The following NUP62 variants were observed in gnomAD, a reference collection of about 807,000 sequenced individuals.
The protein encoded by NUP62 is nuclear pore glycoprotein p62.
For missense variants in NUP62, 647 were observed against 689.4 expected, an observed-to-expected ratio of 0.94 and a Z score of 0.69; for synonymous variants, 305 against 303.4, an observed-to-expected ratio of 1.01 and a Z score of -0.05.
chr19:49,907,776 T>G lies in NUP62; in HGVS notation c.*463A>C. ...GTCTCGAACTCCTGACCTCAAGTCA[T>G]CTGCCCGCCTTGGCCACCCAAAGTG... On this transcript the variant is annotated 3_prime_UTR_variant, in exon 3 of 3. Transcript: ENST00000352066. 3.0e-6 allele frequency: 1 copy of G among 332,286 alleles called. No homozygotes were observed. The highest frequency in any genetic ancestry group is 2.2e-5 in the African/African-American group (1 of 45,774). 20.6% of individuals were successfully genotyped at this position (332,286 alleles called of 1,614,324 possible). A position where few individuals can be genotyped will look rare whatever the true frequency, so the allele number is the denominator to read the frequency against.
At position 49,909,642 on chromosome 19, in the gene NUP62, A is replaced by ACCCTTCCACAAC. The variant is rs1244976439; in HGVS notation, c.165_166insGTTGTGGAAGGG (p.Pro55_Ser56insValValGluGly). The ACCCTTCCACAAC allele has an allele frequency of 6.2e-7, 1 of 1,614,000 alleles. No individual in the cohort carries two copies. Among genetic ancestry groups the ACCCTTCCACAAC allele is most frequent in the Non-Finnish European group, 8.5e-7 (1 of 1,180,026 alleles). On this transcript the variant is annotated inframe_insertion, in exon 3 of 3. Transcript: ENST00000352066. ...GTGGCAAGTGAGAACAGGCCGGTGG[A>ACCCTTCCACAAC]AGGGGTACTTGTGGCTGGTTGGAAG...
At chr19:49,926,806 G>C (rs2075902446) in intron 2 of NUP62, among the ~76,000 whole-genome samples, 1 of 151,442 alleles carries the variant, frequency 6.6e-6, no homozygotes, top group African/African-American at 2.4e-5. Context: ...CTAACTGCTC[G>C]ACACGGATTA....
At chr19:49,916,415 G>A (rs1246361474) in intron 2 of NUP62, among the ~76,000 whole-genome samples, 9 of 148,746 alleles carry the variant, frequency 6.1e-5, no homozygotes, top group Non-Finnish European at 1.2e-4. Flanking sequence ...GTGCAGTGGC[G>A]GGATCTTGGC....
At position 49,909,282 on chromosome 19, in the gene NUP62, C is replaced by T. The variant is rs745811720; in HGVS notation, c.526G>A (p.Ala176Thr). Residue 176 changes from alanine to threonine, a missense_variant, in exon 3 of 3, where the codon GCA becomes ACA. Ala to Thr is a moderately conservative substitution (Grantham distance 58). Transcript: ENST00000352066. ...AQPSGFNIGSAGNSAQPTAPA... is the reference protein window; with the variant it reads ...AQPSGFNIGSTGNSAQPTAPA... ...GCCGTGGGCTGGGCTGAATTCCCTGCTGAGCCAATGTTGAAACCGGAGGGT... is the reference window on the plus strand; with the variant it reads ...GCCGTGGGCTGGGCTGAATTCCCTGTTGAGCCAATGTTGAAACCGGAGGGT... The T allele has an allele frequency of 1.9e-6, 3 of 1,614,102 alleles. No homozygotes were observed. The highest frequency in any genetic ancestry group is 2.5e-6 in the Non-Finnish European group (3 of 1,180,022).
At chr19:49,920,310 C>T (rs527674656) in intron 2 of NUP62, among the ~76,000 whole-genome samples, 19 of 152,240 alleles carry the variant, frequency 1.2e-4, no homozygotes, top group African/African-American at 3.6e-4. Context: ...ATGAATCTCT[C>T]GACCTTGAGA....
At chr19:49,912,789 C>A (rs1252122331) in intron 2 of NUP62, 1 of 148,066 alleles carries the variant, frequency 6.8e-6, no homozygotes, top group Non-Finnish European at 1.5e-5. Context: ...TCACTGGAGC[C>A]CAGGGAGGTG....
At chr19:49,916,862 AGTG>A (rs1318860937) in intron 2 of NUP62, among the ~76,000 whole-genome samples, 4 of 152,224 alleles carry the variant, frequency 2.6e-5, no homozygotes, top group African/African-American at 9.6e-5. Flanking sequence ...TTGAGGCTGC[AGTG>A]AGCTGTGATC....
Position 49,908,488 on chromosome 19 carries a change from G to A in NUP62, c.1320C>T (p.Ile440=), listed in dbSNP as rs760298987. ...GGGCCATGCGCTTGAGCTGTGCATC[G>A]ATGTTCTCAGCCAGCTTGTAGGTTT... The part of the protein sequence containing the change: ...REKTYKLAEN[I]DAQLKRMAQD... Residue 440 remains isoleucine (I), a synonymous_variant, in exon 3 of 3, where the codon ATC becomes ATT. Transcript: ENST00000352066. 25 of 1,614,122 alleles carry A rather than the reference G, an allele frequency of 1.5e-5. No homozygotes were observed. Among genetic ancestry groups the A allele is most frequent in the Non-Finnish European group, 1.9e-5 (23 of 1,180,038 alleles).
chr19:49,909,216 T>C lies in NUP62; in HGVS notation c.592A>G (p.Thr198Ala). 1.2e-6 allele frequency: 2 copies of C among 1,613,998 alleles called. No homozygotes were observed. The highest frequency in any genetic ancestry group is 2.7e-5 in the African/African-American group (2 of 74,990). ...GCTGGCTGTGTGGCACCTGCTGTGG[T>C]GGCTGCTGGCGTGGCCGGAGTGAAG... Reference protein sequence around the residue: ...LPFTPATPAATTAGATQPAAP... With the variant: ...LPFTPATPAAATAGATQPAAP... Residue 198 changes from threonine (T) to alanine (A), a missense_variant, in exon 3 of 3, where the codon ACC (threonine) becomes GCC (alanine). Physicochemically the swap from Thr to Ala is moderately conservative, Grantham distance 58 (BLOSUM62 0). Transcript: ENST00000352066.
Position 49,912,954 on chromosome 19 carries a change from GC to G in NUP62, c.-77-3071del, listed in dbSNP as rs2075513719. 6 of 152,408 alleles carry G rather than the reference GC, an allele frequency of 3.9e-5. 1 individual carries two copies. Among genetic ancestry groups the G allele is most frequent in the Admixed American group, 3.9e-4 (6 of 15,304 alleles). The allele number at this position is 152,408 out of a possible 1,614,324, so 9.4% of individuals were successfully genotyped here. A position where few individuals can be genotyped will look rare whatever the true frequency, so the allele number is the denominator to read the frequency against. On this transcript the variant is annotated intron_variant, in intron 2 of 2. Transcript: ENST00000352066. Reference sequence around the variant, plus strand: ...CCACTTGACAAATGAGGAAAGTGAAGCCCAGAGTGGCTGGTTAAGCCACGGT... The same window carrying G: ...CCACTTGACAAATGAGGAAAGTGAAGCCAGAGTGGCTGGTTAAGCCACGGT...
At chr19:49,925,192 C>T (rs569085323) in intron 2 of NUP62, among the ~76,000 whole-genome samples, 84 of 152,152 alleles carry the variant, frequency 5.5e-4, no homozygotes, top group African/African-American at 2.0e-3. Context: ...ACCCAGGAGG[C>T]AGAGGTTGCG....
chr19:49,912,702 C>CA (rs1337277470), intron 2 of NUP62, among the ~76,000 whole-genome samples: 1 of 152,010 alleles, frequency 6.6e-6, no homozygotes, highest in African/African-American at 2.4e-5. Context: ...TGTCTCTACA[C>CA]AAAAAACACA....
intron 2 of NUP62, among the ~76,000 whole-genome samples, chr19:49,913,475 G>A (rs887576073): frequency 2.0e-5 from 3 of 152,182 alleles, no homozygotes; most frequent in Non-Finnish European, 4.4e-5. Context: ...GGAGGGGCTG[G>A]AGTCAGCAGA....
chr19:49,926,631 G>A (rs773587796), intron 2 of NUP62, among the ~76,000 whole-genome samples: 5 of 152,210 alleles, frequency 3.3e-5, no homozygotes, highest in East Asian at 1.9e-4. Context: ...GATAGGGCAC[G>A]TCTGTGCGTC....
At chr19:49,918,912 G>GGGGGGGGGGGGGGGGGA in intron 2 of NUP62, among the ~76,000 whole-genome samples, 1 of 142,552 alleles carries the variant, frequency 7.0e-6, no homozygotes, top group African/African-American at 2.6e-5. Flanking sequence ...GGGGGGGCGG[G>GGGGGGGGGGGGGGGGGA]GTGTGGGGGG....
At chr19:49,911,958 C>T (rs528518466) in intron 2 of NUP62, among the ~76,000 whole-genome samples, 6 of 152,186 alleles carry the variant, frequency 3.9e-5, no homozygotes, top group Non-Finnish European at 4.4e-5. Context: ...CACCTCAAGC[C>T]GGTGTGTTGT....
chr19:49,909,639 T>C lies in NUP62; in HGVS notation c.169A>G (p.Thr57Ala). ...PFQPATSTPS[T>A]GLFSLATQTP... ...TGGGTGGCAAGTGAGAACAGGCCGG[T>C]GGAAGGGGTACTTGTGGCTGGTTGG... Residue 57 changes from threonine to alanine, a missense_variant, in exon 3 of 3, where the codon ACC (threonine) becomes GCC (alanine). Coordinates refer to ENST00000352066, the MANE Select transcript of NUP62 (RefSeq NM_016553.5). 1 of 1,614,060 alleles carries C rather than the reference T, an allele frequency of 6.2e-7. No individual in the cohort carries two copies.
At position 49,908,580 on chromosome 19, in the gene NUP62, G is replaced by A; in HGVS notation, c.1228C>T (p.Leu410=). 1 of 1,614,154 alleles carries A rather than the reference G, an allele frequency of 6.2e-7. No individual in the cohort carries two copies. Among genetic ancestry groups the A allele is most frequent in the Non-Finnish European group, 8.5e-7 (1 of 1,180,040 alleles). ...QKELEDLLSP[L]EELVKEQSGT... ...CTCTGCTCCTTGACCAACTCCTCCAGTGGGCTCAGCAGGTCTTCCAGCTCC... is the reference window on the plus strand; with the variant it reads ...CTCTGCTCCTTGACCAACTCCTCCAATGGGCTCAGCAGGTCTTCCAGCTCC... The change falls in exon 3 of 3, where the codon CTG becomes TTG. Residue 410 remains leucine (L), a synonymous_variant. Coordinates refer to ENST00000352066, the MANE Select transcript of NUP62 (RefSeq NM_016553.5).
At chr19:49,912,680 A>T (rs918887674) in intron 2 of NUP62, among the ~76,000 whole-genome samples, 1 of 152,082 alleles carries the variant, frequency 6.6e-6, no homozygotes, top group African/African-American at 2.4e-5. Context: ...CCTGGCCAAC[A>T]TAGCGAGATG....
Sources: allele counts gnomAD v4.1 joint callset (sites outside exome capture counted in the v4.1 genomes callset), GRCh38; gene constraint gnomAD v4.1.1; transcripts MANE v1.5; gene names NCBI Gene and HGNC (gene_info 2026-07-23, HGNC 2026-07-21).